Variants in CCSER1 observed in about 807,000 individuals in gnomAD.
The protein encoded by CCSER1 is coiled-coil serine rich protein 1.
CCSER1 carries 41 observed loss-of-function variants against 82.0 expected under a neutral mutation model. That is an observed-to-expected ratio of 0.50 (90% CI 0.39 to 0.65). CCSER1 has a LOEUF of 0.65. Among genes scored for constraint, CCSER1 ranks in the 30% least tolerant of loss-of-function variants. The pLI, the probability that CCSER1 is intolerant of heterozygous loss-of-function variation, is 0.00. For synonymous variants in CCSER1, 414 were observed against 383.9 expected, an observed-to-expected ratio of 1.08 and a Z score of -0.92; for missense variants, 1,119 against 1,064.2, an observed-to-expected ratio of 1.05 and a Z score of -0.72.
At chr4:90,819,711 A>G (rs1466334968) in intron 8 of CCSER1, among the ~76,000 whole-genome samples, 1 of 152,176 alleles carries the variant, frequency 6.6e-6, no homozygotes, top group Non-Finnish European at 1.5e-5. Context: ...CCTTCTTTTT[A>G]AAAAGAAAAC....
intron 5 of CCSER1, among the ~76,000 whole-genome samples, chr4:90,553,261 C>T (rs145993912): frequency 2.7e-3 from 416 of 152,292 alleles, no homozygotes; most frequent in African/African-American, 9.6e-3. Flanking sequence ...AGCCATTGCA[C>T]CTGGCCAACA....
chr4:90,450,646 T>C lies in CCSER1; in HGVS notation c.1604-17588T>C, dbSNP rs1379318763. Among the ~76,000 whole-genome samples the C allele has an allele frequency of 1.3e-5, 2 of 152,182 alleles. 1 individual carries two copies. Among genetic ancestry groups the C allele is most frequent in the Non-Finnish European group, 2.9e-5 (2 of 68,030 alleles). On this transcript the variant is annotated intron_variant, in intron 4 of 10. Transcript: ENST00000509176. ...TCAGTTCCCTGGTCTTTTACTAAAG[T>C]GTAATGAATCCAAGAATCAATTTCA...
At chr4:91,159,372 C>G (rs1581672600) in intron 10 of CCSER1, among the ~76,000 whole-genome samples, 1 of 151,862 alleles carries the variant, frequency 6.6e-6, no homozygotes, top group African/African-American at 2.4e-5. Flanking sequence ...TTGACACTTG[C>G]CTTACTCTCC....
At chr4:90,156,851 T>C (rs1299834917) in intron 1 of CCSER1, among the ~76,000 whole-genome samples, 6 of 152,254 alleles carry the variant, frequency 3.9e-5, no homozygotes, top group Admixed American at 2.0e-4. Context: ...TGTCTTTTAA[T>C]TGGAACATTT....
rs543701245 is a variant in CCSER1, at chr4:90,251,645, A to G, written c.-41-56599A>G. Among the ~76,000 whole-genome samples the G allele has an allele frequency of 9.2e-5, 14 of 151,832 alleles. No homozygotes were observed. The South Asian group carries it at 2.1e-3, about 22-fold the overall frequency. On this transcript the variant is annotated intron_variant, in intron 1 of 10. Coordinates refer to ENST00000509176, the MANE Select transcript of CCSER1 (RefSeq NM_001145065.2). ...GCTAGTATTTTGTTGAGGATTTTAT[A>G]TATAAAATAATAAAAGACATTGTTC...
intron 10 of CCSER1, among the ~76,000 whole-genome samples, chr4:91,539,840 G>A (rs1044297934): frequency 2.0e-5 from 3 of 151,806 alleles, no homozygotes; most frequent in African/African-American, 7.3e-5. Flanking sequence ...GGTTTGATTA[G>A]TGCACAGCTT....
chr4:90,148,609 C>A (rs1407263052), intron 1 of CCSER1, among the ~76,000 whole-genome samples: 1 of 152,146 alleles, frequency 6.6e-6, no homozygotes, highest in Non-Finnish European at 1.5e-5. Flanking sequence ...AGGAACAAAG[C>A]ATTCCTCAGA....
At chr4:90,224,860 A>C (rs913921748) in intron 1 of CCSER1, among the ~76,000 whole-genome samples, 4 of 152,062 alleles carry the variant, frequency 2.6e-5, no homozygotes, top group African/African-American at 9.7e-5. Flanking sequence ...TATATTTCTT[A>C]ATGACTCTGA....
intron 9 of CCSER1, among the ~76,000 whole-genome samples, chr4:90,964,633 G>T (rs1039714927): frequency 6.8e-6 from 1 of 147,806 alleles, no homozygotes; most frequent in South Asian, 2.2e-4. Context: ...GCTGATCCAG[G>T]AGAATGGCAT....
At chr4:91,185,338 C>A (rs200681208) in intron 10 of CCSER1, among the ~76,000 whole-genome samples, 47 of 152,218 alleles carry the variant, frequency 3.1e-4, no homozygotes, top group Non-Finnish European at 5.6e-4. Context: ...TGAATTTCCC[C>A]ATTATAATCT....
intron 10 of CCSER1, among the ~76,000 whole-genome samples, chr4:91,530,984 G>T (rs374522086): frequency 1.3e-5 from 2 of 151,938 alleles, no homozygotes; most frequent in East Asian, 3.9e-4. Flanking sequence ...ACTGCACCCG[G>T]CAAAAATTGT....
At chr4:90,842,937 G>C (rs969068884) in intron 8 of CCSER1, among the ~76,000 whole-genome samples, 2 of 152,140 alleles carry the variant, frequency 1.3e-5, no homozygotes, top group Non-Finnish European at 2.9e-5. Context: ...GTGTGAGGAG[G>C]CTTTTGCTTG....
chr4:90,837,681 A>T (rs1430757906), intron 8 of CCSER1, among the ~76,000 whole-genome samples: 1 of 152,190 alleles, frequency 6.6e-6, no homozygotes, highest in East Asian at 1.9e-4. Flanking sequence ...GGAAGAGTTT[A>T]AAAGAACAGT....
chr4:90,321,733 C>T (rs1737186833), intron 3 of CCSER1, among the ~76,000 whole-genome samples: 1 of 152,046 alleles, frequency 6.6e-6, no homozygotes, highest in Admixed American at 6.6e-5. Context: ...TGTTATTTGC[C>T]TGTCGTTTGG....
intron 7 of CCSER1, chr4:90,781,320 A>T: frequency 5.1e-6 from 5 of 985,248 alleles, no homozygotes; most frequent in Non-Finnish European, 6.0e-6. Flanking sequence ...AAAAATAGTG[A>T]TTCATCAAAT....
At chr4:90,433,379 A>T (rs560218472) in intron 4 of CCSER1, among the ~76,000 whole-genome samples, 1 of 152,118 alleles carries the variant, frequency 6.6e-6, no homozygotes, top group East Asian at 1.9e-4. Flanking sequence ...TGACTAATCT[A>T]CCAAGGGGAT....
chr4:91,031,290 TTC>T (rs1740959799), intron 9 of CCSER1, among the ~76,000 whole-genome samples: 1 of 152,164 alleles, frequency 6.6e-6, no homozygotes, highest in Non-Finnish European at 1.5e-5. Context: ...TAAAGTCTTC[TTC>T]TGATACAATG....
intron 10 of CCSER1, among the ~76,000 whole-genome samples, chr4:91,396,641 C>T (rs969363122): frequency 2.6e-5 from 4 of 151,878 alleles, no homozygotes; most frequent in Admixed American, 1.3e-4. Flanking sequence ...ATGTTATACA[C>T]CCTGAAGACA....
intron 10 of CCSER1, among the ~76,000 whole-genome samples, chr4:91,568,945 C>T (rs552943690): frequency 6.6e-6 from 1 of 152,250 alleles, no homozygotes; most frequent in South Asian, 2.1e-4. Context: ...GGAGTTCTTG[C>T]ACTGGTTCTT....
Sources: allele counts gnomAD v4.1 joint callset (sites outside exome capture counted in the v4.1 genomes callset), GRCh38; gene constraint gnomAD v4.1.1; transcripts MANE v1.5; gene names NCBI Gene and HGNC (gene_info 2026-07-23, HGNC 2026-07-21).